The following CRTAP variants were observed in gnomAD, a reference collection of about 807,000 sequenced individuals.
The protein encoded by CRTAP is cartilage associated protein.
A neutral mutation model predicts 42.7 loss-of-function variants in CRTAP; 33 were observed. The ratio of observed to expected loss-of-function variants is 0.77; its 90% CI spans 0.59 to 1.03. The LOEUF (loss-of-function observed/expected upper bound fraction) is 1.03. CRTAP is among the 50% of genes least tolerant of loss of function. The probability of loss-of-function intolerance (pLI) is 0.00; values close to 1 mark genes in which losing one functional copy is unlikely to be tolerated. For missense variants in CRTAP, 613 were observed against 533.9 expected, an observed-to-expected ratio of 1.15 and a Z score of -1.46; for synonymous variants, 243 against 217.7, an observed-to-expected ratio of 1.12 and a Z score of -1.02.
At chr3:33,126,184 C>T (rs2030065371) in intron 3 of CRTAP, among the ~76,000 whole-genome samples, 1 of 152,226 alleles carries the variant, frequency 6.6e-6, no homozygotes, top group South Asian at 2.1e-4. Flanking sequence ...GTGAATTTGA[C>T]TACTCTAGAT....
chr3:33,124,360 C>T, intron 2 of CRTAP, 48 bp from the exon 3 acceptor site: 2 of 1,611,244 alleles, frequency 1.2e-6, no homozygotes, highest in African/African-American at 2.7e-5. Flanking sequence ...ATGACTGTCT[C>T]CCTTCACGCC....
chr3:33,123,417 T>C (rs2029953115), intron 2 of CRTAP, among the ~76,000 whole-genome samples: 1 of 151,558 alleles, frequency 6.6e-6, no homozygotes, highest in South Asian at 2.1e-4. Context: ...TGAGTTATCA[T>C]GAGACCTAGT....
rs187766205 is a variant in CRTAP, at chr3:33,147,605, C to T, written c.*5157C>T. On this transcript the variant is annotated 3_prime_UTR_variant, in exon 7 of 7. Coordinates refer to ENST00000320954, the MANE Select transcript of CRTAP (RefSeq NM_006371.5). ...AGTTTTATCTCCCACTTTAGGGTGGCAGCCAGTAGGCCAAACTCCAAAGAC... is the reference window on the plus strand; with the variant it reads ...AGTTTTATCTCCCACTTTAGGGTGGTAGCCAGTAGGCCAAACTCCAAAGAC... The T allele has an allele frequency of 4.6e-5, 7 of 152,352 alleles. No homozygotes were observed. Among genetic ancestry groups the T allele is most frequent in the African/African-American group, 1.7e-4 (7 of 41,566 alleles). The allele number at this position is 152,352 out of a possible 1,614,324, so 9.4% of individuals were successfully genotyped here. A position where few individuals can be genotyped will look rare whatever the true frequency, so the allele number is the denominator to read the frequency against.
chr3:33,131,720 G>A (rs1575518510), intron 4 of CRTAP, among the ~76,000 whole-genome samples: 2 of 152,066 alleles, frequency 1.3e-5, no homozygotes, highest in East Asian at 1.9e-4. Context: ...AGGGCAGGTG[G>A]TATTATTTAT....
intron 6 of CRTAP, among the ~76,000 whole-genome samples, chr3:33,141,773 G>A (rs1050353086): frequency 6.6e-6 from 1 of 152,218 alleles, no homozygotes; most frequent in Non-Finnish European, 1.5e-5. Context: ...GCTTCAAGTT[G>A]AAGTATAAGG....
Position 33,142,843 on chromosome 3 carries a change from G to C in CRTAP, c.*395G>C. 4.4e-6 allele frequency: 1 copy of C among 228,078 alleles called. No homozygotes were observed. Among genetic ancestry groups the C allele is most frequent in the South Asian group, 6.8e-5 (1 of 14,636 alleles). 14.1% of individuals were successfully genotyped at this position (228,078 alleles called of 1,614,324 possible). On this transcript the variant is annotated 3_prime_UTR_variant, in exon 7 of 7. Coordinates refer to ENST00000320954, the MANE Select transcript of CRTAP (RefSeq NM_006371.5). ...CTAATTTTGTATTTTTAGTAGAGAC[G>C]GGGTTTTGCCATGTTGGCCAGGCTG... is the stretch of plus-strand genomic sequence containing the variant.
At position 33,145,549 on chromosome 3, in the gene CRTAP, T is replaced by C. The variant is rs1045734245; in HGVS notation, c.*3101T>C. On this transcript the variant is annotated 3_prime_UTR_variant, in exon 7 of 7. Coordinates refer to ENST00000320954, the MANE Select transcript of CRTAP (RefSeq NM_006371.5). This position sits in a 1 kb window ranked among gnomAD's most constrained non-coding sequence, Gnocchi z 4.3. ...GGGGAAGAGGGTGATGAGACAGGACTAGAAAGTAGTGGGGGACCCAGCGAG... is the reference window on the plus strand; with the variant it reads ...GGGGAAGAGGGTGATGAGACAGGACCAGAAAGTAGTGGGGGACCCAGCGAG... 1.3e-5 allele frequency: 2 copies of C among 152,292 alleles called. No homozygotes were observed. Among genetic ancestry groups the C allele is most frequent in the African/African-American group, 4.8e-5 (2 of 41,432 alleles). The allele number at this position is 152,292 out of a possible 1,614,324, so 9.4% of individuals were successfully genotyped here.
intron 3 of CRTAP, among the ~76,000 whole-genome samples, chr3:33,129,697 C>G (rs1005036121): frequency 9.2e-5 from 14 of 151,944 alleles, no homozygotes; most frequent in Middle Eastern, 3.4e-3. Context: ...ACCACGACGC[C>G]CAGCTAATTT....
At chr3:33,121,562 T>G (rs1188408175) in intron 2 of CRTAP, among the ~76,000 whole-genome samples, 5 of 152,138 alleles carry the variant, frequency 3.3e-5, no homozygotes, top group African/African-American at 1.2e-4. Flanking sequence ...AGTCTCTTTT[T>G]GGGGGTATCT....
intron 1 of CRTAP, 120 bp from the exon 2 acceptor site, chr3:33,120,224 C>A: frequency 4.3e-6 from 4 of 925,348 alleles, no homozygotes; most frequent in Non-Finnish European, 5.3e-6. Flanking sequence ...AGTCATGGAA[C>A]CTTTAGCTGG....
rs116984650 is a variant in CRTAP, at chr3:33,129,040, T to C, written c.794-899T>C. On this transcript the variant is annotated intron_variant, in intron 3 of 6. Transcript: ENST00000320954. The stretch of plus-strand genomic sequence containing the variant: ...TGTAGATTCTGTTATTTTTATATAC[T>C]GTAATTTATTAATCCTCATCCTATT... Among the ~76,000 whole-genome samples, 409 of 151,986 alleles carry C rather than the reference T, an allele frequency of 2.7e-3. 2 individuals carry two copies. The highest frequency in any genetic ancestry group is 0.014 in the East Asian group (72 of 5,160).
At chr3:33,121,411 C>CAAAAAAAAAAAAAAAAAA (rs59483352) in intron 2 of CRTAP, among the ~76,000 whole-genome samples, 19 of 147,516 alleles carry the variant, frequency 1.3e-4, no homozygotes, top group African/African-American at 5.0e-4. Context: ...GACTCTGTCT[C>CAAAAAAAAAAAAAAAAAA]AAAAAAAATG....
intron 3 of CRTAP, among the ~76,000 whole-genome samples, chr3:33,127,530 C>G (rs1273054249): frequency 6.6e-6 from 1 of 152,050 alleles, no homozygotes; most frequent in Non-Finnish European, 1.5e-5. Flanking sequence ...TCACTGCAAC[C>G]TCTGCCCCTT....
At chr3:33,120,514 G>A (rs1038257445) in intron 2 of CRTAP, 21 bp downstream of exon 2, 12 of 1,583,464 alleles carry the variant, frequency 7.6e-6, no homozygotes, top group Non-Finnish European at 9.5e-6. Context: ...ATTTTTATGT[G>A]GCAGTTAGTG....
intron 1 of CRTAP, among the ~76,000 whole-genome samples, chr3:33,115,585 A>G (rs769007074): frequency 2.6e-5 from 4 of 152,156 alleles, no homozygotes; most frequent in Non-Finnish European, 5.9e-5. Context: ...GGTTTGGCTA[A>G]AAGAGCCCTC....
chr3:33,124,635 C>G, intron 3 of CRTAP, 56 bp downstream of exon 3: 1 of 1,601,218 alleles, frequency 6.2e-7, no homozygotes, highest in Non-Finnish European at 8.6e-7. Context: ...CCTTAGATGT[C>G]TGGTTTCTGC....
rs534749514 is a variant in CRTAP at position 33,126,631 on chromosome 3, A to G, written c.793+2052A>G. 1.1e-4 allele frequency among the ~76,000 whole-genome samples: 17 copies of G among 152,350 alleles called. No homozygotes were observed. The East Asian group carries it at 3.1e-3, about 28-fold the overall frequency. On this transcript the variant is annotated intron_variant, in intron 3 of 6. Coordinates refer to ENST00000320954, the MANE Select transcript of CRTAP (RefSeq NM_006371.5). ...CTAAGATATATATGTATTGTAAATC[A>G]AAGAGTATCTGAGACAAGTCTCAAT...
chr3:33,139,142 T>G (rs2030504489), intron 6 of CRTAP, among the ~76,000 whole-genome samples: 1 of 147,700 alleles, frequency 6.8e-6, no homozygotes, highest in South Asian at 2.1e-4. Context: ...AGACACTGTC[T>G]AAAAAAAAAA....
intron 3 of CRTAP, 112 bp downstream of exon 3, chr3:33,124,691 A>G: frequency 7.8e-7 from 1 of 1,283,700 alleles, no homozygotes; most frequent in South Asian, 1.2e-5. Flanking sequence ...GGAATTTTTG[A>G]GCATACTTAT....
Sources: gnomAD v4.1 joint callset for allele counts (sites outside exome capture counted in the v4.1 genomes callset) on GRCh38, gnomAD v4.1.1 for gene constraint, Gnocchi (gnomAD v3.1) non-coding constraint, MANE v1.5 for transcripts, NCBI Gene and HGNC (gene_info 2026-07-23, HGNC 2026-07-21) for gene names.